TENM2: variants seen among roughly 807,000 people sequenced by gnomAD.
The protein encoded by TENM2 is teneurin-2.
A neutral mutation model predicts 245.2 loss-of-function variants in TENM2; 52 were observed. The observed-to-expected ratio is 0.21, with a 90% CI of 0.17 to 0.27. TENM2 has a LOEUF of 0.27. Ranked by LOEUF, TENM2 falls within the 10% of genes least tolerant of loss-of-function variation. The pLI is 1.00. For synonymous variants in TENM2, 1,363 were observed against 1,438.9 expected (o/e 0.95, Z 1.19); for missense variants, 3,046 against 3,666.8 (o/e 0.83, Z 4.37).
At chr5:167,042,746 G>C in the TENM2 span, among the ~76,000 whole-genome samples, 5 of 152,286 alleles carry the variant, frequency 3.3e-5, no homozygotes, top group South Asian at 4.1e-4. Context: ...GAAGCAATTT[G>C]TTATGCCTTT....
chr5:167,356,914 A>G (rs2127251119), intron 1 of TENM2, among the ~76,000 whole-genome samples: 1 of 151,774 alleles, frequency 6.6e-6, no homozygotes, highest in African/African-American at 2.4e-5. Flanking sequence ...GTATATTAAA[A>G]CATTCTCTCT....
intron 2 of TENM2, among the ~76,000 whole-genome samples, chr5:167,456,977 G>A (rs950315787): frequency 6.6e-6 from 1 of 152,204 alleles, no homozygotes; most frequent in Non-Finnish European, 1.5e-5. Flanking sequence ...GAATTTCTCA[G>A]TCCACTCTGC....
intron 1 of TENM2, among the ~76,000 whole-genome samples, chr5:167,353,277 C>A (rs1437829285): frequency 7.2e-6 from 1 of 138,436 alleles, no homozygotes; most frequent in African/African-American, 2.8e-5. Context: ...TGGTGCTGAA[C>A]GTTTTGAAAT....
At chr5:167,729,090 C>A (rs1760237183) in intron 2 of TENM2, 1 of 152,186 alleles carries the variant, frequency 6.6e-6, no homozygotes, top group South Asian at 2.1e-4. Flanking sequence ...GTTGGCCAGC[C>A]TGCTCTATCA....
chr5:168,084,642 T>A (rs1447515998), intron 7 of TENM2, among the ~76,000 whole-genome samples: 1 of 152,168 alleles, frequency 6.6e-6, no homozygotes, highest in African/African-American at 2.4e-5. Context: ...AAAGGCCCTA[T>A]GGCTGGGATG....
chr5:167,205,966 T>C, the TENM2 span, among the ~76,000 whole-genome samples: 1 of 152,238 alleles, frequency 6.6e-6, no homozygotes, highest in African/African-American at 2.4e-5. Flanking sequence ...GTTCTGCTTT[T>C]AAGGGCTCAT....
chr5:167,659,170 C>A (rs983506587), intron 2 of TENM2, among the ~76,000 whole-genome samples: 1 of 152,112 alleles, frequency 6.6e-6, no homozygotes, highest in South Asian at 2.1e-4. Context: ...GATTATATTG[C>A]GGGAGCAGTT....
rs1554170577 is a variant in TENM2 at position 167,532,826 on chromosome 5, G to GTGTATA, written c.502+157354_502+157355insGTATAT. On this transcript the variant is annotated intron_variant, in intron 2 of 28. Transcript: ENST00000518659. ...TATTTGTGTGTATGTGTGTGTGTGT[G>GTGTATA]TATATATATATATATATATGCTATC... 3.6e-3 allele frequency among the ~76,000 whole-genome samples: 514 copies of GTGTATA among 144,544 alleles called. 1 individual carries two copies. The highest frequency in any genetic ancestry group is 4.4e-3 in the African/African-American group (169 of 38,642). The allele number at this position is 144,544 out of a possible 152,430, so 94.8% of individuals were successfully genotyped here. A position where few individuals can be genotyped will look rare whatever the true frequency, so the allele number is the denominator to read the frequency against.
chr5:167,170,027 G>T, the TENM2 span, among the ~76,000 whole-genome samples: 11 of 152,282 alleles, frequency 7.2e-5, no homozygotes, highest in African/African-American at 2.4e-4. Flanking sequence ...ACCTCCTTCA[G>T]TACCTGTGCC....
At chr5:168,070,854 G>A (rs1232400904) in intron 7 of TENM2, among the ~76,000 whole-genome samples, 2 of 147,420 alleles carry the variant, frequency 1.4e-5, no homozygotes, top group East Asian at 4.0e-4. Context: ...AAGAGAGGAA[G>A]GAAGGAAGGA....
At chr5:167,146,318 G>C in the TENM2 span, among the ~76,000 whole-genome samples, 1 of 152,156 alleles carries the variant, frequency 6.6e-6, no homozygotes, top group Non-Finnish European at 1.5e-5. Flanking sequence ...TGCCCCGGGT[G>C]ATCGCTTGAT....
intron 3 of TENM2, 100 bp downstream of exon 5, chr5:167,876,295 T>C (rs1773420481): frequency 2.0e-6 from 2 of 1,018,806 alleles, no homozygotes; most frequent in African/African-American, 1.6e-5. Context: ...TGGGGGAAGG[T>C]GGTGTGGGGA....
chr5:167,081,335 G>C, the TENM2 span, among the ~76,000 whole-genome samples: 1 of 151,778 alleles, frequency 6.6e-6, no homozygotes, highest in Non-Finnish European at 1.5e-5. Context: ...AACCTTTCTC[G>C]TTTCATACCA....
rs76897664 is a variant in TENM2, at chr5:168,101,434, C to A, written c.1813+3307C>A. Among the ~76,000 whole-genome samples the A allele has an allele frequency of 3.3e-3, 501 of 151,948 alleles. 10 individuals are homozygous for A. In the East Asian group the frequency reaches 0.071, roughly 22 times the overall value. ...CCTAAGTACCCCGGCCGTTTAAGAA[C>A]CCTTTGCTCTAAATCCATTTGCAGA... On this transcript the variant is annotated intron_variant, in intron 9 of 28. Transcript: ENST00000518659.
In TENM2 at chr5:168,176,506, A is replaced by G. The variant is rs999683395; in HGVS notation, c.2569+13749A>G. On this transcript the variant is annotated intron_variant, in intron 13 of 28. Coordinates refer to ENST00000518659, the Ensembl canonical transcript of TENM2. ...CTCATTTCGTTTAGGTTTCTACACG[A>G]ACATCACTTCTTTAGAGAAGCCCTC... Among the ~76,000 whole-genome samples, 7 of 152,196 alleles carry G rather than the reference A, an allele frequency of 4.6e-5. No individual in the cohort carries two copies. The South Asian group carries it at 1.2e-3, about 27-fold the overall frequency.
chr5:167,068,352 T>C, the TENM2 span, among the ~76,000 whole-genome samples: 1 of 152,170 alleles, frequency 6.6e-6, no homozygotes, highest in Non-Finnish European at 1.5e-5. Context: ...CAGTATCGCC[T>C]GGGAAAGGGC....
intron 15 of TENM2, among the ~76,000 whole-genome samples, chr5:168,198,394 C>A (rs953470759): frequency 2.0e-5 from 3 of 152,008 alleles, no homozygotes; most frequent in Admixed American, 2.0e-4. Flanking sequence ...CAGGGTTTCA[C>A]CATATTGGCC....
At chr5:167,468,110 T>C (rs552193620) in intron 2 of TENM2, among the ~76,000 whole-genome samples, 2 of 152,124 alleles carry the variant, frequency 1.3e-5, no homozygotes, top group Non-Finnish European at 2.9e-5. Context: ...CTAATTTTTG[T>C]ATTTTTAGTA....
At chr5:168,139,378 A>G (rs1427893144) in intron 12 of TENM2, 3 of 430,614 alleles carry the variant, frequency 7.0e-6, no homozygotes, top group South Asian at 3.4e-5. Context: ...TCTCTTAGCT[A>G]TATCTATTTT....
Sources: gnomAD v4.1 joint callset for allele counts (sites outside exome capture counted in the v4.1 genomes callset) on GRCh38, gnomAD v4.1.1 for gene constraint, MANE v1.5 for transcripts, NCBI Gene and HGNC (gene_info 2026-07-23, HGNC 2026-07-21) for gene names.